Variants in KHDC1 observed in about 807,000 individuals in gnomAD.
KHDC1 encodes KH domain containing 1, also known as KH homology domain-containing protein 1.
Under a neutral mutation model 24.7 loss-of-function variants are expected in KHDC1, and 21 were observed. The ratio of observed to expected loss-of-function variants is 0.85; its 90% CI spans 0.60 to 1.23. KHDC1 has a LOEUF of 1.23. Ranked by LOEUF, KHDC1 falls within the 50% of genes most tolerant of loss-of-function variation. The pLI is 0.00. For missense variants in KHDC1, 274 were observed against 298.5 expected, an observed-to-expected ratio of 0.92 and a Z score of 0.61; for synonymous variants, 98 against 111.7, an observed-to-expected ratio of 0.88 and a Z score of 0.77.
intron 2 of KHDC1, among the ~76,000 whole-genome samples, chr6:73,279,799 C>A (rs1296331044): frequency 1.3e-5 from 2 of 152,096 alleles, no homozygotes; most frequent in African/African-American, 4.8e-5. Flanking sequence ...GGCTGATCAA[C>A]TCCTGAGCTT....
At chr6:73,303,615 A>G (rs1767913989) in intron 1 of KHDC1, among the ~76,000 whole-genome samples, 1 of 151,872 alleles carries the variant, frequency 6.6e-6, no homozygotes, top group South Asian at 2.1e-4. Context: ...ATCATTTTGT[A>G]GCATCCTTCT....
chr6:73,263,018 G>A, intron 2 of KHDC1: 1 of 1,029,042 alleles, frequency 9.7e-7, no homozygotes, highest in Non-Finnish European at 1.2e-6. Flanking sequence ...CGCGCCGCAG[G>A]CCTGGGCCAC....
intron 2 of KHDC1, chr6:73,270,095 G>A (rs563033065): frequency 3.3e-5 from 5 of 152,198 alleles, no homozygotes; most frequent in South Asian, 2.1e-4. Context: ...TTTTTAATAG[G>A]TTATAACCTG....
At chr6:73,304,975 C>T (rs1201902781) in intron 1 of KHDC1, among the ~76,000 whole-genome samples, 1 of 152,190 alleles carries the variant, frequency 6.6e-6, no homozygotes, top group East Asian at 1.9e-4. Context: ...CAGTGCTTCA[C>T]ACTTGTAATC....
chr6:73,309,920 G>A, exon 1 of KHDC1: 1 of 545,088 alleles, frequency 1.8e-6, no homozygotes, highest in Non-Finnish European at 3.1e-6. Flanking sequence ...GCCACCGCGA[G>A]AAGTGGGCAC....
At chr6:73,296,434 C>CA (rs1562259947) in intron 1 of KHDC1, among the ~76,000 whole-genome samples, 1 of 151,672 alleles carries the variant, frequency 6.6e-6, no homozygotes, top group African/African-American at 2.4e-5. Context: ...GCCTGGGTGA[C>CA]AGAGTGAGAC....
At chr6:73,271,163 C>G (rs192836226) in intron 2 of KHDC1, among the ~76,000 whole-genome samples, 1 of 151,980 alleles carries the variant, frequency 6.6e-6, no homozygotes, top group South Asian at 2.1e-4. Flanking sequence ...CTATTAATTT[C>G]TTTTTGAAAT....
chr6:73,292,546 C>G (rs747440117), intron 1 of KHDC1: 463 of 768,332 alleles, frequency 6.0e-4, no homozygotes, highest in Non-Finnish European at 1.0e-3. Context: ...TAAAAGAGAC[C>G]ATAGATAATA....
rs544476875 is a variant in KHDC1, at chr6:73,263,039, G to GGGCGGC, written c.207-20515_207-20510dup. 1.9e-4 allele frequency: 183 copies of GGGCGGC among 965,760 alleles called. 1 individual carries two copies. Among genetic ancestry groups the GGGCGGC allele is most frequent in the East Asian group, 1.0e-3 (8 of 7,658 alleles). The allele number at this position is 965,760 out of a possible 1,614,324, so 59.8% of individuals were successfully genotyped here. A position where few individuals can be genotyped will look rare whatever the true frequency, so the allele number is the denominator to read the frequency against. ...GCAGGCCTGGGCCACTCCCTGAGTA[G>GGGCGGC]GGCGGCGGCGGCGGCGGCGGCGGCG... is the stretch of plus-strand genomic sequence containing the variant. On this transcript the variant is annotated intron_variant, in intron 2 of 4. Coordinates refer to ENST00000370384, the Ensembl canonical transcript of KHDC1.
intron 2 of KHDC1, among the ~76,000 whole-genome samples, chr6:73,272,529 G>A (rs984323255): frequency 2.0e-5 from 3 of 151,926 alleles, no homozygotes; most frequent in Non-Finnish European, 4.4e-5. Flanking sequence ...TAATCCCAGC[G>A]CTTTGGGAGG....
intron 1 of KHDC1, among the ~76,000 whole-genome samples, chr6:73,302,768 C>T (rs1767899102): frequency 6.6e-6 from 1 of 152,172 alleles, no homozygotes; most frequent in Non-Finnish European, 1.5e-5. Flanking sequence ...ATATGAGATA[C>T]TATTCAGCCT....
chr6:73,270,693 CT>C (rs796508631), intron 2 of KHDC1, among the ~76,000 whole-genome samples: 37 of 144,760 alleles, frequency 2.6e-4, no homozygotes, highest in Non-Finnish European at 2.7e-4. Flanking sequence ...TCTATTTTTT[CT>C]TTTTTTTTTT....
At chr6:73,268,493 C>T (rs549803959) in intron 2 of KHDC1, 2 of 152,444 alleles carry the variant, frequency 1.3e-5, no homozygotes, top group African/African-American at 2.4e-5. Flanking sequence ...TGCTTTTATT[C>T]TCTTATCTGG....
chr6:73,278,997 ATTC>A (rs1366467524), intron 2 of KHDC1, among the ~76,000 whole-genome samples: 3 of 152,212 alleles, frequency 2.0e-5, no homozygotes, highest in Admixed American at 6.5e-5. Context: ...ATAAATCTGT[ATTC>A]TTCTACTACT....
At chr6:73,259,811 A>C (rs776681447) in intron 2 of KHDC1, among the ~76,000 whole-genome samples, 19 of 152,172 alleles carry the variant, frequency 1.2e-4, no homozygotes, top group Non-Finnish European at 2.5e-4. Flanking sequence ...GGAGAGTGTG[A>C]GCAAACCATG....
chr6:73,262,000 G>T (rs1281091307), intron 2 of KHDC1, among the ~76,000 whole-genome samples: 1 of 151,724 alleles, frequency 6.6e-6, no homozygotes, highest in Non-Finnish European at 1.5e-5. Context: ...AATTCATTGA[G>T]CCCGGCAGGT....
intron 2 of KHDC1, chr6:73,262,957 C>G: frequency 1.0e-6 from 1 of 991,756 alleles, no homozygotes; most frequent in Non-Finnish European, 1.2e-6. Flanking sequence ...ACAGGGGGGT[C>G]AGGTAGCCAA....
At chr6:73,304,198 T>A (rs891004060) in intron 1 of KHDC1, among the ~76,000 whole-genome samples, 6 of 151,592 alleles carry the variant, frequency 4.0e-5, no homozygotes, top group African/African-American at 1.5e-4. Flanking sequence ...AGAAAAAAAA[T>A]TGTTCTACGG....
chr6:73,291,070 G>A (rs1304664431), intron 2 of KHDC1: 2 of 434,214 alleles, frequency 4.6e-6, no homozygotes, highest in Non-Finnish European at 9.0e-6. Flanking sequence ...ATTTCAAAGT[G>A]AATGGACTGC....
Sources: gnomAD v4.1 joint callset for allele counts (sites outside exome capture counted in the v4.1 genomes callset) on GRCh38, gnomAD v4.1.1 for gene constraint, MANE v1.5 for transcripts, NCBI Gene and HGNC (gene_info 2026-07-23, HGNC 2026-07-21) for gene names.